SGO2: variants seen among roughly 807,000 people sequenced by gnomAD.
SGO2 encodes shugoshin 2.
SGO2 carries 68 observed loss-of-function variants against 99.5 expected under a neutral mutation model. The observed-to-expected ratio is 0.68, with a 90% confidence interval of 0.56 to 0.84. The LOEUF (loss-of-function observed/expected upper bound fraction) is 0.84, where lower values mean the gene tolerates loss of function less well. Ranked by LOEUF, SGO2 falls within the 40% of genes least tolerant of loss-of-function variation. The pLI is 0.00. For synonymous variants in SGO2, 457 were observed against 487.1 expected (o/e 0.94, Z 0.81); for missense variants, 1,350 against 1,436.7 (o/e 0.94, Z 0.97).
At chr2:200,536,042 G>T in intron 3 of SGO2, 23 bp from the exon 4 acceptor site, 1 of 1,426,600 alleles carries the variant, frequency 7.0e-7, no homozygotes, top group Admixed American at 1.9e-5. Context: ...TGATTAAAAG[G>T]GGTCTTTATT....
chr2:200,558,726 T>C (rs1211784836), intron 5 of SGO2, among the ~76,000 whole-genome samples: 1 of 140,594 alleles, frequency 7.1e-6, no homozygotes. Context: ...TTGTGTAGGA[T>C]TTTTTTTTTT....
Position 200,572,832 on chromosome 2 carries a change from A to G in SGO2, c.2486A>G (p.Asp829Gly). The change falls in exon 7 of 9, where the codon GAT becomes GGT. Residue 829 changes from aspartate (D) to glycine (G), a missense_variant. Coordinates refer to ENST00000357799, the MANE Select transcript of SGO2 (RefSeq NM_152524.6). ...GAAACCAACCAAATATATGAGAATG[A>G]TAACAAAGGTGTACATGACCTAGAA... ...IPETNQIYEN[D>G]NKGVHDLEKD... 6.2e-7 allele frequency: 1 copy of G among 1,610,132 alleles called. No homozygotes were observed. The highest frequency in any genetic ancestry group is 1.1e-5 in the South Asian group (1 of 89,924).
Position 200,575,447 on chromosome 2 carries a change from G to A in SGO2, c.3768G>A (p.Glu1256=). ...RRRCTPFYFK[E]PSLRDKMRR ...GGTGTACTCCTTTCTATTTTAAAGA[G>A]CCAAGCCTCAGAGAGTAAGTATTTC... The change falls in exon 8 of 9, where the codon GAG becomes GAA. Residue 1256 remains glutamate (E), a synonymous_variant. Coordinates refer to ENST00000357799, the MANE Select transcript of SGO2 (RefSeq NM_152524.6). 1.9e-6 allele frequency: 3 copies of A among 1,588,830 alleles called. No individual in the cohort carries two copies. Among genetic ancestry groups the A allele is most frequent in the Non-Finnish European group, 1.7e-6 (2 of 1,164,862 alleles).
At chr2:200,579,474 T>C (rs111376011) in intron 8 of SGO2, among the ~76,000 whole-genome samples, 30 of 152,346 alleles carry the variant, frequency 2.0e-4, no homozygotes, top group African/African-American at 7.0e-4. Flanking sequence ...TATTTTTGTC[T>C]CTCCATTAAA....
chr2:200,582,023 A>G (rs1349440606), intron 8 of SGO2, among the ~76,000 whole-genome samples: 4 of 152,142 alleles, frequency 2.6e-5, no homozygotes, highest in Non-Finnish European at 5.9e-5. Context: ...TATGTATTTC[A>G]TCTAAAAACC....
At chr2:200,529,109 A>C (rs2031242065) in intron 1 of SGO2, among the ~76,000 whole-genome samples, 1 of 152,210 alleles carries the variant, frequency 6.6e-6, no homozygotes, top group Admixed American at 6.5e-5. Context: ...GGAGACATCA[A>C]GTATAGACAA....
rs1327913813 is a variant in SGO2 at position 200,526,347 on chromosome 2, G to A, written c.-3+95G>A. The stretch of plus-strand genomic sequence containing the variant: ...CGGTTCTCTAGGCGCTGTCCGCCTC[G>A]GTCTCCGGCTCGTCTTCCGCCCTCT... On this transcript the variant is annotated intron_variant, in intron 1 of 8. Coordinates refer to ENST00000357799, the MANE Select transcript of SGO2 (RefSeq NM_152524.6). This position sits in a 1 kb window ranked among gnomAD's most constrained non-coding sequence, Gnocchi z 4.8. 1 of 152,256 alleles carries A rather than the reference G, an allele frequency of 6.6e-6. No individual in the cohort carries two copies. Among genetic ancestry groups the A allele is most frequent in the Non-Finnish European group, 1.5e-5 (1 of 68,078 alleles). 9.4% of individuals were successfully genotyped at this position (152,256 alleles called of 1,614,324 possible). A position where few individuals can be genotyped will look rare whatever the true frequency, so the allele number is the denominator to read the frequency against.
intron 7 of SGO2, 73 bp from the exon 8 acceptor site, chr2:200,575,238 C>CTA: frequency 1.1e-6 from 1 of 889,694 alleles, no homozygotes; most frequent in Non-Finnish European, 1.6e-6. Context: ...TTGCAGACCA[C>CTA]TATATAGCTC....
rs1343624603 is a variant in SGO2 at position 200,572,191 on chromosome 2, A to G, written c.1845A>G (p.Lys615=). Residue 615 remains lysine, a synonymous_variant, in exon 7 of 9, where the codon AAA becomes AAG. Coordinates refer to ENST00000357799, the MANE Select transcript of SGO2 (RefSeq NM_152524.6). ...CAAACATTAATAAGCTTAGAAAGAA[A>G]GTAAACCGGAAGACAGAAATAATTT... ...NESNINKLRK[K]VNRKTEIISG... is the part of the protein sequence containing the mutation. 1.2e-5 allele frequency: 20 copies of G among 1,612,888 alleles called. No homozygotes were observed. Among genetic ancestry groups the G allele is most frequent in the Non-Finnish European group, 1.7e-5 (20 of 1,179,508 alleles).
chr2:200,574,731 G>A (rs1444709666), intron 7 of SGO2, among the ~76,000 whole-genome samples: 1 of 151,902 alleles, frequency 6.6e-6, no homozygotes, highest in African/African-American at 2.4e-5. Flanking sequence ...AAATCACCTG[G>A]GAGAACTTTA....
chr2:200,565,638 A>G (rs1357673895), intron 5 of SGO2, among the ~76,000 whole-genome samples: 1 of 152,184 alleles, frequency 6.6e-6, no homozygotes, highest in African/African-American at 2.4e-5. Flanking sequence ...GTTTTCCTGG[A>G]TAATATCCGG....
intron 8 of SGO2, chr2:200,580,472 ATTTAC>A (rs975788013): frequency 8.5e-5 from 37 of 433,096 alleles, no homozygotes; most frequent in African/African-American, 6.4e-4. Flanking sequence ...GTTTTCTTTG[ATTTAC>A]TTTATTATTG....
At chr2:200,545,300 C>A (rs931416569) in intron 5 of SGO2, among the ~76,000 whole-genome samples, 2 of 152,196 alleles carry the variant, frequency 1.3e-5, no homozygotes, top group African/African-American at 4.8e-5. Flanking sequence ...AGCCACCATG[C>A]CTGGCATATT....
rs1383122861 is a variant in SGO2, at chr2:200,570,558, C to T, written c.704-492C>T. On this transcript the variant is annotated intron_variant, in intron 6 of 8. Transcript: ENST00000357799. This position sits in a 1 kb window ranked among gnomAD's most constrained non-coding sequence, Gnocchi z 4.4. ...ATATACACACACACATATATACACA[C>T]ATATATATGGTATACATATAATGTA... is the stretch of plus-strand genomic sequence containing the variant. Among the ~76,000 whole-genome samples the T allele has an allele frequency of 7.2e-6, 1 of 139,756 alleles. No individual in the cohort carries two copies. Among genetic ancestry groups the T allele is most frequent in the African/African-American group, 2.6e-5 (1 of 38,568 alleles). The allele number at this position is 139,756 out of a possible 152,430, so 91.7% of individuals were successfully genotyped here.
intron 5 of SGO2, 56 bp downstream of exon 5, chr2:200,542,720 A>G (rs1574843391): frequency 1.2e-5 from 18 of 1,441,288 alleles, no homozygotes; most frequent in Non-Finnish European, 1.7e-5. Context: ...ATATAACACA[A>G]TTAGTGTTTG....
intron 4 of SGO2, among the ~76,000 whole-genome samples, chr2:200,538,706 T>C (rs780488347): frequency 4.6e-5 from 7 of 152,204 alleles, no homozygotes; most frequent in Non-Finnish European, 8.8e-5. Context: ...CAGTCCCTCT[T>C]TGATTGAGCT....
At chr2:200,568,072 G>T (rs373797207) in intron 5 of SGO2, among the ~76,000 whole-genome samples, 99 of 152,130 alleles carry the variant, frequency 6.5e-4, no homozygotes, top group African/African-American at 2.3e-3. Flanking sequence ...TTACATTCCC[G>T]CCAGCACAGT....
rs1157232873 is a variant in SGO2, at chr2:200,583,867, G to T, written c.*403G>T. 6.5e-6 allele frequency: 1 copy of T among 152,932 alleles called. No individual in the cohort carries two copies. Among genetic ancestry groups the T allele is most frequent in the African/African-American group, 2.4e-5 (1 of 41,432 alleles). 9.5% of individuals were successfully genotyped at this position (152,932 alleles called of 1,614,324 possible). A position where few individuals can be genotyped will look rare whatever the true frequency, so the allele number is the denominator to read the frequency against. On this transcript the variant is annotated 3_prime_UTR_variant, in exon 9 of 9. Coordinates refer to ENST00000357799, the MANE Select transcript of SGO2 (RefSeq NM_152524.6). ...ATTCAATATATGTGGACATCCAAAA[G>T]GGTTTAAAAGCCACCTCCTGCCCTG...
chr2:200,560,819 C>A (rs1246189235), intron 5 of SGO2, among the ~76,000 whole-genome samples: 1 of 152,074 alleles, frequency 6.6e-6, no homozygotes, highest in Non-Finnish European at 1.5e-5. Flanking sequence ...AGAGTTTGTA[C>A]AATTGGTAGT....
Sources: allele counts gnomAD v4.1 joint callset (sites outside exome capture counted in the v4.1 genomes callset), GRCh38; gene constraint gnomAD v4.1.1; non-coding constraint Gnocchi (gnomAD v3.1); transcripts MANE v1.5; gene names NCBI Gene and HGNC (gene_info 2026-07-23, HGNC 2026-07-21).